CASK: variants seen among roughly 807,000 people sequenced by gnomAD.
CASK encodes peripheral plasma membrane protein CASK.
Under a neutral mutation model 82.9 loss-of-function variants are expected in CASK, and 4 were observed. That is an observed-to-expected ratio of 0.05 (90% CI 0.02 to 0.11). CASK has a LOEUF of 0.11. CASK is among the 10% of genes least tolerant of loss of function. The pLI is 1.00. For synonymous variants in CASK, 259 were observed against 253.5 expected (o/e 1.02, Z -0.20); for missense variants, 358 against 720.9 (o/e 0.50, Z 5.76).
chrX:41,869,171 G>C lies in CASK; in HGVS notation c.60-15944C>G, dbSNP rs1366892766. 1.4e-4 allele frequency among the ~76,000 whole-genome samples: 16 copies of C among 111,469 alleles called. 1 individual carries two copies. Among genetic ancestry groups the C allele is most frequent in the Admixed American group, 1.4e-3 (15 of 10,569 alleles). On this transcript the variant is annotated intron_variant, in intron 1 of 26. Transcript: ENST00000378163. ...GCCTGGAGGGTAATTCTCCACCCCT[G>C]GGAAGCAACTGCCCCATAGGACTCA...
At chrX:41,792,581 C>A (rs2069752860) in intron 2 of CASK, among the ~76,000 whole-genome samples, 1 of 111,008 alleles carries the variant, frequency 9.0e-6, no homozygotes, top group Non-Finnish European at 1.9e-5. Flanking sequence ...TGAGCCACTG[C>A]ACCTAGCTCA....
chrX:41,790,758 A>G (rs746060640), intron 2 of CASK, among the ~76,000 whole-genome samples: 3 of 112,670 alleles, frequency 2.7e-5, no homozygotes, highest in African/African-American at 9.7e-5. Flanking sequence ...TAAATTAAAT[A>G]GCTCAAATAG....
chrX:41,849,349 AGAGT>A (rs2071216656), intron 2 of CASK, among the ~76,000 whole-genome samples: 1 of 111,531 alleles, frequency 9.0e-6, no homozygotes, highest in Admixed American at 9.6e-5. Flanking sequence ...GTGGCTCAGT[AGAGT>A]AAGAGACAAA....
At position 41,646,298 on chromosome X, in the gene CASK, A is replaced by G. The variant is rs146443760; in HGVS notation, c.832-9637T>C. ...TAATTTAGGAAGACTGTGTTAACTC[A>G]CATGCAGTAATACTAAAAAATGACT... is the stretch of plus-strand genomic sequence containing the variant. On this transcript the variant is annotated intron_variant, in intron 8 of 26. Coordinates refer to ENST00000378163, the MANE Select transcript of CASK (RefSeq NM_001367721.1). 3.9e-3 allele frequency among the ~76,000 whole-genome samples: 433 copies of G among 111,457 alleles called. 2 individuals are homozygous for G. Among genetic ancestry groups the G allele is most frequent in the African/African-American group, 0.013 (409 of 30,685 alleles).
At chrX:41,808,942 A>G (rs1397702253) in intron 2 of CASK, among the ~76,000 whole-genome samples, 1 of 112,542 alleles carries the variant, frequency 8.9e-6, no homozygotes, top group African/African-American at 3.2e-5. Flanking sequence ...AGGAGATTAT[A>G]TCCTGTGCCT....
Position 41,559,611 on chromosome X carries a change from T to C in CASK, c.1737+168A>G, listed in dbSNP as rs1231789874. On this transcript the variant is annotated intron_variant, in intron 18 of 26. Coordinates refer to ENST00000378163, the MANE Select transcript of CASK (RefSeq NM_001367721.1). The stretch of plus-strand genomic sequence containing the variant: ...AGATCCACATGGAAGCAGGGCTGAG[T>C]AGGTGGATGGGACCTACTCTGTTCC... 3 of 506,153 alleles carry C rather than the reference T, an allele frequency of 5.9e-6. No homozygotes were observed. The East Asian group carries it at 1.1e-4, about 19-fold the overall frequency. The allele number at this position is 506,153 out of a possible 1,213,427, so 41.7% of individuals were successfully genotyped here.
chrX:41,765,255 A>G (rs2069088707), intron 3 of CASK, among the ~76,000 whole-genome samples: 1 of 112,245 alleles, frequency 8.9e-6, no homozygotes, highest in Non-Finnish European at 1.9e-5. Flanking sequence ...GTCTAGCCTT[A>G]TACATATGAG....
intron 4 of CASK, among the ~76,000 whole-genome samples, chrX:41,740,087 A>T (rs1001046513): frequency 2.7e-5 from 3 of 112,169 alleles, no homozygotes; most frequent in Non-Finnish European, 5.6e-5. Flanking sequence ...ACAGGTGAAG[A>T]ACAAAGAAGA....
intron 12 of CASK, among the ~76,000 whole-genome samples, chrX:41,607,918 CTTCTA>C (rs1157957800): frequency 1.8e-5 from 2 of 112,055 alleles, no homozygotes; most frequent in Non-Finnish European, 3.8e-5. Flanking sequence ...AAGAAGTAAA[CTTCTA>C]TTCTGTTAAG....
At chrX:41,749,609 A>G (rs1237401560) in intron 3 of CASK, among the ~76,000 whole-genome samples, 1 of 107,028 alleles carries the variant, frequency 9.3e-6, no homozygotes, top group Non-Finnish European at 1.9e-5. Flanking sequence ...CTGGTCTCGA[A>G]CTCCTGACCT....
At chrX:41,696,011 G>C in intron 5 of CASK, 1 of 1,210,137 alleles carries the variant, frequency 8.3e-7, no homozygotes, top group Non-Finnish European at 1.1e-6. Flanking sequence ...GTGTGATTCT[G>C]TGCAAGGTTG....
At chrX:41,810,044 G>C (rs568341230) in intron 2 of CASK, among the ~76,000 whole-genome samples, 139 of 111,911 alleles carry the variant, frequency 1.2e-3, no homozygotes, top group Middle Eastern at 4.6e-3. Context: ...AGAGAAAAAA[G>C]AGTAAAAAGA....
At chrX:41,896,245 G>T (rs1222386472) in intron 1 of CASK, among the ~76,000 whole-genome samples, 1 of 111,741 alleles carries the variant, frequency 8.9e-6, no homozygotes, top group Non-Finnish European at 1.9e-5. Context: ...AAATAGCCAG[G>T]TTTCCCTCAA....
chrX:41,888,761 G>A (rs990885226), intron 1 of CASK, among the ~76,000 whole-genome samples: 1 of 93,799 alleles, frequency 1.1e-5, no homozygotes. Flanking sequence ...GTATATGTAT[G>A]TGTATATATG....
intron 2 of CASK, among the ~76,000 whole-genome samples, chrX:41,830,723 G>A (rs893527386): frequency 1.1e-4 from 12 of 106,859 alleles, no homozygotes; most frequent in African/African-American, 3.8e-4. Context: ...AGGAGGCTGA[G>A]GCAGGAGTAT....
At chrX:41,543,329 A>C (rs2064973854) in intron 21 of CASK, among the ~76,000 whole-genome samples, 1 of 112,298 alleles carries the variant, frequency 8.9e-6, no homozygotes, top group Non-Finnish European at 1.9e-5. Flanking sequence ...ACCAGAGCTC[A>C]TGATCTTAGC....
intron 2 of CASK, among the ~76,000 whole-genome samples, chrX:41,792,434 C>T (rs966298668): frequency 4.6e-5 from 5 of 109,003 alleles, no homozygotes; most frequent in African/African-American, 1.3e-4. Flanking sequence ...GGGCTACAGG[C>T]ACGTGCCACC....
intron 5 of CASK, among the ~76,000 whole-genome samples, chrX:41,708,600 T>C (rs1208018002): frequency 2.7e-5 from 3 of 112,508 alleles, no homozygotes; most frequent in African/African-American, 3.2e-5. Context: ...ACTTTTTTTC[T>C]ATCATGTGTA....
intron 2 of CASK, among the ~76,000 whole-genome samples, chrX:41,807,787 C>T (rs138146689): frequency 0.013 from 1,402 of 111,507 alleles, 12 homozygotes; most frequent in South Asian, 0.033. Flanking sequence ...CCCACTCTCG[C>T]GATAACAACA....
Sources: gnomAD v4.1 joint callset for allele counts (sites outside exome capture counted in the v4.1 genomes callset) on GRCh38, gnomAD v4.1.1 for gene constraint, MANE v1.5 for transcripts, NCBI Gene and HGNC (gene_info 2026-07-23, HGNC 2026-07-21) for gene names.